KSR2: variants seen among roughly 807,000 people sequenced by gnomAD.
The protein encoded by KSR2 is kinase suppressor of ras 2.
Under a neutral mutation model 107.8 loss-of-function variants are expected in KSR2, and 25 were observed. That is an observed-to-expected ratio of 0.23 (90% CI 0.17 to 0.32). The LOEUF (loss-of-function observed/expected upper bound fraction) is 0.32. KSR2 is among the 10% of genes least tolerant of loss of function. The pLI is 1.00. For missense variants in KSR2, 887 were observed against 1,268.9 expected, an observed-to-expected ratio of 0.70 and a Z score of 4.57; for synonymous variants, 480 against 507.0, an observed-to-expected ratio of 0.95 and a Z score of 0.71.
At position 117,667,556 on chromosome 12, in the gene KSR2, G is replaced by A; in HGVS notation, c.1089C>T (p.Arg363=). 1.2e-6 allele frequency: 2 copies of A among 1,613,296 alleles called. No individual in the cohort carries two copies. The highest frequency in any genetic ancestry group is 1.7e-6 in the Non-Finnish European group (2 of 1,179,700). The change falls in exon 5 of 20, where the codon CGC becomes CGT. Residue 363 remains arginine, a synonymous_variant. Coordinates refer to ENST00000339824, the MANE Select transcript of KSR2 (RefSeq NM_173598.6). ...SQQRSPLLSE[R]SLRSFFVGHA... is the part of the protein sequence containing the mutation. ...GTCCCACAAAGAAGGAGCGGAGGGA[G>A]CGCTCGGACAGCAGCGGGGAGCGCT...
chr12:117,741,514 G>A (rs1888221318), intron 4 of KSR2, among the ~76,000 whole-genome samples: 1 of 152,122 alleles, frequency 6.6e-6, no homozygotes, highest in South Asian at 2.1e-4. Context: ...GACAGAGCAA[G>A]ACCCTATCTT....
Position 117,493,942 on chromosome 12 carries a change from T to A in KSR2, c.2220-8251A>T, listed in dbSNP as rs770081963. On this transcript the variant is annotated intron_variant, in intron 14 of 19. Coordinates refer to ENST00000339824, the MANE Select transcript of KSR2 (RefSeq NM_173598.6). ...AAGTGTCTGTCACCTCCTGCCATGA[T>A]TCTGAGGCCTCCCCAGCCATAGGGA... Among the ~76,000 whole-genome samples, 28 of 152,206 alleles carry A rather than the reference T, an allele frequency of 1.8e-4. 1 individual carries two copies. The highest frequency in any genetic ancestry group is 4.0e-4 in the Non-Finnish European group (27 of 68,032).
chr12:117,878,698 A>C (rs1452645801), intron 1 of KSR2, among the ~76,000 whole-genome samples: 1 of 152,190 alleles, frequency 6.6e-6, no homozygotes, highest in East Asian at 1.9e-4. Flanking sequence ...AGCAGAGTTA[A>C]GATCCCAGAC....
Position 117,860,438 on chromosome 12 carries a change from A to T in KSR2, c.181-7T>A. 6.2e-7 allele frequency: 1 copy of T among 1,603,776 alleles called. No individual in the cohort carries two copies. Among genetic ancestry groups the T allele is most frequent in the Non-Finnish European group, 8.5e-7 (1 of 1,175,370 alleles). ...AGTACTTCACCAGCTTGCTCTGTGG[A>T]GACACAGACGAGGACAGAGGACACA... On this transcript the variant is annotated splice_polypyrimidine_tract_variant and splice_region_variant and intron_variant, in intron 1 of 19. Coordinates refer to ENST00000339824, the MANE Select transcript of KSR2 (RefSeq NM_173598.6).
At chr12:117,614,663 TCATA>T (rs1881777625) in intron 5 of KSR2, among the ~76,000 whole-genome samples, 3 of 152,200 alleles carry the variant, frequency 2.0e-5, no homozygotes, top group Non-Finnish European at 2.9e-5. Context: ...TAGTTTTCTG[TCATA>T]CTTTTGTGCA....
chr12:117,630,713 G>C (rs745804733), intron 5 of KSR2, among the ~76,000 whole-genome samples: 4 of 152,106 alleles, frequency 2.6e-5, no homozygotes, highest in Non-Finnish European at 4.4e-5. Context: ...AGCTAATTAG[G>C]AAATGCAAAT....
At chr12:117,730,083 T>A (rs1887599493) in intron 4 of KSR2, among the ~76,000 whole-genome samples, 1 of 152,184 alleles carries the variant, frequency 6.6e-6, no homozygotes, top group African/African-American at 2.4e-5. Context: ...TCTGCCATAG[T>A]AGCATGAATG....
intron 1 of KSR2, among the ~76,000 whole-genome samples, chr12:117,898,511 G>A (rs1330933598): frequency 6.6e-6 from 1 of 151,820 alleles, no homozygotes. Flanking sequence ...GTAGAGATGG[G>A]GTTTCACCAT....
At chr12:117,832,242 C>T (rs764734834) in intron 3 of KSR2, among the ~76,000 whole-genome samples, 2 of 152,152 alleles carry the variant, frequency 1.3e-5, no homozygotes, top group Admixed American at 6.6e-5. Flanking sequence ...CAAGATCATG[C>T]CATTGCACTC....
chr12:117,923,421 T>C (rs1288042693), intron 1 of KSR2, among the ~76,000 whole-genome samples: 1 of 152,176 alleles, frequency 6.6e-6, no homozygotes, highest in African/African-American at 2.4e-5. Flanking sequence ...ATGTAGTGGC[T>C]CATGCCTGTA....
chr12:117,686,913 G>A lies in KSR2; in HGVS notation c.987-19255C>T, dbSNP rs117524542. ...CATCAGAGCCCGAGAGACAGACAAC[G>A]AACAGTATCTACCAGTTCCTGAGGG... On this transcript the variant is annotated intron_variant, in intron 4 of 19. Transcript: ENST00000339824. Among the ~76,000 whole-genome samples the A allele has an allele frequency of 1.1e-4, 17 of 152,250 alleles. No homozygotes were observed. In the East Asian group the frequency reaches 3.3e-3, roughly 29 times the overall value.
At chr12:117,611,275 G>A (rs1298106058) in intron 5 of KSR2, among the ~76,000 whole-genome samples, 1 of 152,154 alleles carries the variant, frequency 6.6e-6, no homozygotes, top group Non-Finnish European at 1.5e-5. Flanking sequence ...GCTCCTGGAT[G>A]AAGCTTGATT....
chr12:117,618,366 G>A (rs1438974548), intron 5 of KSR2, among the ~76,000 whole-genome samples: 1 of 151,940 alleles, frequency 6.6e-6, no homozygotes, highest in Non-Finnish European at 1.5e-5. Flanking sequence ...TTGTCCCTCA[G>A]CAACATGACA....
chr12:117,559,450 G>A (rs553857568), intron 7 of KSR2, among the ~76,000 whole-genome samples: 6 of 151,912 alleles, frequency 3.9e-5, no homozygotes, highest in Admixed American at 1.3e-4. Context: ...TTTAATCTTC[G>A]TAACAACTTC....
intron 5 of KSR2, among the ~76,000 whole-genome samples, chr12:117,648,007 C>A (rs1270219621): frequency 6.6e-6 from 1 of 152,156 alleles, no homozygotes; most frequent in South Asian, 2.1e-4. Context: ...CCACACCCAG[C>A]CTAACCCTGT....
At chr12:117,481,921 A>G (rs1368843590) in intron 16 of KSR2, among the ~76,000 whole-genome samples, 1 of 152,164 alleles carries the variant, frequency 6.6e-6, no homozygotes, top group East Asian at 1.9e-4. Context: ...GTCATGAACA[A>G]GAGGGAGTAA....
At chr12:117,553,529 C>T (rs774375450) in intron 9 of KSR2, among the ~76,000 whole-genome samples, 1 of 152,164 alleles carries the variant, frequency 6.6e-6, no homozygotes, top group Non-Finnish European at 1.5e-5. Context: ...TGAATAGTGA[C>T]TCAGCTATCA....
At chr12:117,750,998 T>C (rs891125664) in intron 4 of KSR2, among the ~76,000 whole-genome samples, 2 of 152,162 alleles carry the variant, frequency 1.3e-5, no homozygotes, top group Non-Finnish European at 2.9e-5. Context: ...GTGATACAGT[T>C]TGGCAGTGTC....
chr12:117,852,824 A>C lies in KSR2; in HGVS notation c.472+2604T>G, dbSNP rs117882678. Among the ~76,000 whole-genome samples, 3,018 of 152,178 alleles carry C rather than the reference A, an allele frequency of 0.02. 294 individuals are homozygous for C. In the East Asian group the frequency reaches 0.31, roughly 16 times the overall value. On this transcript the variant is annotated intron_variant, in intron 3 of 19. Transcript: ENST00000339824. The stretch of plus-strand genomic sequence containing the variant: ...TTTTGTTGTTGTTTTTTGTTTTTGA[A>C]ATGGAGTCTCGCTGTCACCCAGGCT...
Sources: allele counts gnomAD v4.1 joint callset (sites outside exome capture counted in the v4.1 genomes callset), GRCh38; gene constraint gnomAD v4.1.1; transcripts MANE v1.5; gene names NCBI Gene and HGNC (gene_info 2026-07-23, HGNC 2026-07-21).